Variants in EXOSC4 observed in about 807,000 individuals in gnomAD.
EXOSC4 encodes exosome component 4.
A neutral mutation model predicts 20.0 loss-of-function variants in EXOSC4; 14 were observed. The ratio of observed to expected loss-of-function variants is 0.70; its 90% CI spans 0.46 to 1.09. The LOEUF (loss-of-function observed/expected upper bound fraction) is 1.09, where lower values mean the gene tolerates loss of function less well. Ranked by LOEUF, EXOSC4 falls within the 50% of genes least tolerant of loss-of-function variation. EXOSC4 has a pLI of 0.00. For missense variants in EXOSC4, 337 were observed against 334.0 expected, an observed-to-expected ratio of 1.01 and a Z score of -0.07; for synonymous variants, 148 against 146.4, an observed-to-expected ratio of 1.01 and a Z score of -0.08.
At chr8:144,069,191 C>T in the EXOSC4 span, among the ~76,000 whole-genome samples, 1 of 152,196 alleles carries the variant, frequency 6.6e-6, no homozygotes, top group Non-Finnish European at 1.5e-5. Flanking sequence ...CCTGGGAGTC[C>T]AGAAGCCTCT....
chr8:144,073,703 T>C (rs1554762390), upstream of EXOSC4, among the ~76,000 whole-genome samples: 1 of 151,816 alleles, frequency 6.6e-6, no homozygotes, highest in Non-Finnish European at 1.5e-5. Context: ...ATACAAAAAT[T>C]AGCCAGACAT....
At chr8:144,071,515 C>G in the EXOSC4 span, among the ~76,000 whole-genome samples, 1 of 148,230 alleles carries the variant, frequency 6.7e-6, no homozygotes. Context: ...CCATGTTGAC[C>G]AGGCTGATCT....
chr8:144,064,067 C>G, the EXOSC4 span: 2 of 152,362 alleles, frequency 1.3e-5, no homozygotes, highest in African/African-American at 4.8e-5. Context: ...GGGTCAGGAC[C>G]CAGCTGTTCC....
chr8:144,077,186 A>G (rs1195894782), upstream of EXOSC4, among the ~76,000 whole-genome samples: 4 of 152,170 alleles, frequency 2.6e-5, no homozygotes, highest in Admixed American at 1.3e-4. Context: ...TGGAGGGTGC[A>G]GTGCGCTGAC....
upstream of EXOSC4, among the ~76,000 whole-genome samples, chr8:144,074,271 C>A (rs1381470121): frequency 6.6e-6 from 1 of 152,224 alleles, no homozygotes; most frequent in Non-Finnish European, 1.5e-5. Flanking sequence ...TCAGTTACCC[C>A]CTCCCCTGCT....
chr8:144,080,118 A>G lies in EXOSC4; in HGVS notation c.347A>G (p.His116Arg), dbSNP rs1554763263. Residue 116 changes from histidine (H) to arginine (R), a missense_variant, in exon 2 of 3, where the codon CAC (histidine) becomes CGC (arginine). His to Arg is a conservative substitution (Grantham distance 29). Transcript: ENST00000316052. This position sits in a 1 kb window ranked among gnomAD's most constrained non-coding sequence, Gnocchi z 4.9. ...GAAGCAGCCATCCTCACACAGCTGC[A>G]CCCACGCTCCCAGATTGATATCTAT... is the stretch of plus-strand genomic sequence containing the variant. ...TFEAAILTQL[H>R]PRSQIDIYVQ... 1 of 1,613,594 alleles carries G rather than the reference A, an allele frequency of 6.2e-7. No individual in the cohort carries two copies. Among genetic ancestry groups the G allele is most frequent in the South Asian group, 1.1e-5 (1 of 91,058 alleles).
At chr8:144,070,892 G>A in the EXOSC4 span, among the ~76,000 whole-genome samples, 119 of 152,122 alleles carry the variant, frequency 7.8e-4, no homozygotes, top group African/African-American at 2.7e-3. Context: ...TTGGCTTGGG[G>A]AGGTTAAATA....
chr8:144,080,570 T>G lies in EXOSC4; in HGVS notation c.707T>G (p.Val236Gly). Residue 236 changes from valine to glycine, a missense_variant, in exon 3 of 3, where the codon GTG (valine) becomes GGG (glycine). Val to Gly is a moderately radical substitution (Grantham distance 109). Transcript: ENST00000316052. This position sits in a 1 kb window ranked among gnomAD's most constrained non-coding sequence, Gnocchi z 4.9. ...TLLDRVVRQH[V>G]REASILLGD The stretch of plus-strand genomic sequence containing the variant: ...TTAGATCGAGTGGTCCGGCAGCATG[T>G]GCGTGAGGCCTCTATCTTGCTGGGG... The G allele has an allele frequency of 6.3e-7, 1 of 1,599,600 alleles. No individual in the cohort carries two copies. Among genetic ancestry groups the G allele is most frequent in the Non-Finnish European group, 8.5e-7 (1 of 1,179,860 alleles).
At chr8:144,076,433 T>C (rs191116977), upstream of EXOSC4, among the ~76,000 whole-genome samples, 4 of 152,258 alleles carry the variant, frequency 2.6e-5, no homozygotes, top group African/African-American at 9.6e-5. Flanking sequence ...GCCCCTGAAT[T>C]TGTATAAGCT....
the EXOSC4 span, among the ~76,000 whole-genome samples, chr8:144,065,659 T>C: frequency 2.0e-5 from 3 of 152,064 alleles, no homozygotes; most frequent in African/African-American, 7.2e-5. Context: ...CACTTGAACC[T>C]GGGAGGCAGA....
At chr8:144,065,361 G>T in the EXOSC4 span, among the ~76,000 whole-genome samples, 1 of 152,284 alleles carries the variant, frequency 6.6e-6, no homozygotes, top group East Asian at 1.9e-4. Context: ...CTGTGCGAGT[G>T]GGGGCAGTGC....
At chr8:144,076,843 A>C (rs1225328922), upstream of EXOSC4, among the ~76,000 whole-genome samples, 1 of 152,200 alleles carries the variant, frequency 6.6e-6, no homozygotes, top group East Asian at 1.9e-4. Context: ...AGGCAGGTGG[A>C]TCACCTGAGG....
chr8:144,078,752 G>A lies in EXOSC4; in HGVS notation c.24G>A (p.Ser8=). 1 of 1,490,278 alleles carries A rather than the reference G, an allele frequency of 6.7e-7. No homozygotes were observed. Among genetic ancestry groups the A allele is most frequent in the Non-Finnish European group, 8.9e-7 (1 of 1,119,350 alleles). 92.3% of individuals were successfully genotyped at this position (1,490,278 alleles called of 1,614,324 possible). Reference sequence around the variant, plus strand: ...GCATGGCGGGGCTGGAGCTCTTGTCGGACCAGGGCTACCGGGTGGACGGGC... The same window carrying A: ...GCATGGCGGGGCTGGAGCTCTTGTCAGACCAGGGCTACCGGGTGGACGGGC... MAGLELL[S]DQGYRVDGRR... is the part of the protein sequence containing the mutation. Residue 8 remains serine (S), a synonymous_variant, in exon 1 of 3, where the codon TCG becomes TCA. Transcript: ENST00000316052. This position sits in a 1 kb window ranked among gnomAD's most constrained non-coding sequence, Gnocchi z 4.7.
the EXOSC4 span, among the ~76,000 whole-genome samples, chr8:144,068,016 G>C: frequency 6.6e-6 from 1 of 152,316 alleles, no homozygotes; most frequent in Middle Eastern, 3.4e-3. Flanking sequence ...GTGGCTCTAC[G>C]GCTATGGAGG....
chr8:144,073,788 T>G (rs1835811931), upstream of EXOSC4, among the ~76,000 whole-genome samples: 1 of 151,814 alleles, frequency 6.6e-6, no homozygotes, highest in Non-Finnish European at 1.5e-5. Flanking sequence ...GAGGCAGAGG[T>G]TGCAGTGAGC....
At chr8:144,066,163 C>A in the EXOSC4 span, among the ~76,000 whole-genome samples, 1 of 149,370 alleles carries the variant, frequency 6.7e-6, no homozygotes, top group East Asian at 2.0e-4. Flanking sequence ...ACTACAGGTG[C>A]CCGCCACCAC....
chr8:144,075,708 AG>A (rs1835830932), upstream of EXOSC4, among the ~76,000 whole-genome samples: 1 of 152,266 alleles, frequency 6.6e-6, no homozygotes. Context: ...CGTTATAAAA[AG>A]GTGTTGTCAT....
At chr8:144,066,150 G>T in the EXOSC4 span, among the ~76,000 whole-genome samples, 1 of 151,916 alleles carries the variant, frequency 6.6e-6, no homozygotes, top group Non-Finnish European at 1.5e-5. Flanking sequence ...CCGAGTAGCT[G>T]GGACTACAGG....
the EXOSC4 span, among the ~76,000 whole-genome samples, chr8:144,072,483 C>A: frequency 1.3e-5 from 2 of 152,102 alleles, no homozygotes. Context: ...GCCCGACCTA[C>A]AATTTATACC....
Sources: gnomAD v4.1 joint callset for allele counts (sites outside exome capture counted in the v4.1 genomes callset) on GRCh38, gnomAD v4.1.1 for gene constraint, Gnocchi (gnomAD v3.1) non-coding constraint, MANE v1.5 for transcripts, NCBI Gene and HGNC (gene_info 2026-07-23, HGNC 2026-07-21) for gene names.